Variants in VPS13B observed in about 807,000 individuals in gnomAD.
VPS13B encodes the protein vacuolar protein sorting 13 homolog B, also known as intermembrane lipid transfer protein VPS13B.
A neutral mutation model predicts 426.4 loss-of-function variants in VPS13B; 285 were observed. The ratio of observed to expected loss-of-function variants is 0.67; its 90% CI spans 0.61 to 0.74. VPS13B has a LOEUF of 0.74. Ranked by LOEUF, VPS13B falls within the 30% of genes least tolerant of loss-of-function variation. VPS13B has a pLI of 0.00. For synonymous variants in VPS13B, 1,676 were observed against 1,676.4 expected (o/e 1.00, Z 0.01); for missense variants, 4,537 against 4,782.6 (o/e 0.95, Z 1.51).
At chr8:99,264,540 G>A (rs1337332649) in intron 17 of VPS13B, among the ~76,000 whole-genome samples, 2 of 152,124 alleles carry the variant, frequency 1.3e-5, no homozygotes, top group East Asian at 1.9e-4. Flanking sequence ...AAATCTGAAA[G>A]CATCACATTA....
intron 51 of VPS13B, among the ~76,000 whole-genome samples, chr8:99,827,357 A>G (rs188588182): frequency 9.5e-4 from 145 of 152,202 alleles, no homozygotes; most frequent in African/African-American, 3.1e-3. Context: ...TTATTCGCAT[A>G]GAGGTGTTTA....
chr8:99,873,034 A>G (rs913024264), intron 61 of VPS13B, among the ~76,000 whole-genome samples: 1 of 152,220 alleles, frequency 6.6e-6, no homozygotes, highest in African/African-American at 2.4e-5. Flanking sequence ...GATCTGCCAG[A>G]ATCTTCTGAT....
At chr8:99,360,524 G>A (rs1274243424) in intron 19 of VPS13B, among the ~76,000 whole-genome samples, 3 of 151,538 alleles carry the variant, frequency 2.0e-5, no homozygotes, top group Admixed American at 6.6e-5. Flanking sequence ...TGACCCGCCC[G>A]TCTCGGCCTC....
chr8:99,839,785 C>T (rs546858878), intron 54 of VPS13B, among the ~76,000 whole-genome samples: 2 of 152,310 alleles, frequency 1.3e-5, no homozygotes, highest in African/African-American at 4.8e-5. Context: ...GACATCTCAC[C>T]CCAGAAGGCT....
At chr8:99,287,884 G>A (rs1819530126) in intron 19 of VPS13B, among the ~76,000 whole-genome samples, 1 of 152,004 alleles carries the variant, frequency 6.6e-6, no homozygotes, top group Admixed American at 6.6e-5. Flanking sequence ...AATTAGTACA[G>A]AGCCTCTAAA....
intron 16 of VPS13B, among the ~76,000 whole-genome samples, chr8:99,188,281 G>T (rs977510717): frequency 1.3e-5 from 2 of 151,970 alleles, no homozygotes; most frequent in Non-Finnish European, 2.9e-5. Context: ...CCTCAAAAAA[G>T]AAATTCTGTC....
intron 19 of VPS13B, among the ~76,000 whole-genome samples, chr8:99,372,408 A>G (rs1813242529): frequency 6.6e-6 from 1 of 152,158 alleles, no homozygotes; most frequent in South Asian, 2.1e-4. Context: ...TTTGCAATCT[A>G]CTCATCTGAC....
intron 30 of VPS13B, among the ~76,000 whole-genome samples, chr8:99,537,852 C>T (rs1411940403): frequency 6.6e-6 from 1 of 152,150 alleles, no homozygotes; most frequent in Admixed American, 6.6e-5. Flanking sequence ...GTTCAACCTT[C>T]CTTAATGTGT....
At position 99,216,184 on chromosome 8, in the gene VPS13B, A is replaced by G. The variant is rs987535368; in HGVS notation, c.2515+23127A>G. 3.3e-5 allele frequency among the ~76,000 whole-genome samples: 5 copies of G among 152,252 alleles called. 1 individual carries two copies. Among genetic ancestry groups the G allele is most frequent in the South Asian group, 4.2e-4 (2 of 4,812 alleles). ...CTAATGGGGCACATCATGTGCTACA[A>G]TTGCTTTTGTTCACTATGCTTAAGC... On this transcript the variant is annotated intron_variant, in intron 17 of 61. Coordinates refer to ENST00000357162, the MANE Select transcript of VPS13B (RefSeq NM_152564.5).
intron 39 of VPS13B, 63 bp downstream of exon 39, chr8:99,721,110 G>A (rs895512861): frequency 1.1e-5 from 17 of 1,551,828 alleles, no homozygotes; most frequent in Admixed American, 8.4e-5. Context: ...CATATATTAG[G>A]AAAAATGTTT....
chr8:99,117,801 C>G (rs1847747963), intron 7 of VPS13B, among the ~76,000 whole-genome samples: 1 of 151,856 alleles, frequency 6.6e-6, no homozygotes, highest in Non-Finnish European at 1.5e-5. Context: ...AGAATGACTG[C>G]AAATAAATAG....
At chr8:99,738,839 AG>A (rs1588669562) in intron 39 of VPS13B, among the ~76,000 whole-genome samples, 1 of 152,164 alleles carries the variant, frequency 6.6e-6, no homozygotes, top group African/African-American at 2.4e-5. Flanking sequence ...CTGTCTATCG[AG>A]GGTGGAGCCA....
chr8:99,416,999 T>C (rs1191939437), intron 21 of VPS13B, among the ~76,000 whole-genome samples: 1 of 152,210 alleles, frequency 6.6e-6, no homozygotes, highest in African/African-American at 2.4e-5. Flanking sequence ...GATTGTGTCA[T>C]ATTTTTAAGC....
intron 27 of VPS13B, among the ~76,000 whole-genome samples, chr8:99,504,083 C>T (rs1821375250): frequency 6.6e-6 from 1 of 152,178 alleles, no homozygotes; most frequent in African/African-American, 2.4e-5. Flanking sequence ...GAGGATCTCT[C>T]ATGAATGGCT....
Position 99,156,548 on chromosome 8 carries a change from G to T in VPS13B, c.2014-1G>T. The stretch of plus-strand genomic sequence containing the variant: ...ATAAAGCGAACACTATTATTTTCTA[G>T]AACTCAAGTAACTTCATGAATACTA... On this transcript the variant is annotated splice_acceptor_variant, in intron 14 of 61. Coordinates refer to ENST00000357162, the MANE Select transcript of VPS13B (RefSeq NM_152564.5). LOFTEE classifies it high-confidence loss of function. 6.2e-7 allele frequency: 1 copy of T among 1,613,778 alleles called. No homozygotes were observed. The highest frequency in any genetic ancestry group is 1.1e-5 in the South Asian group (1 of 91,044).
chr8:99,779,951 G>A (rs1369431091), intron 42 of VPS13B, among the ~76,000 whole-genome samples: 2 of 152,204 alleles, frequency 1.3e-5, no homozygotes, highest in African/African-American at 4.8e-5. Context: ...TTAAGGGGAA[G>A]AGGAGCTTTT....
At chr8:99,133,822 A>G (rs1197753971) in intron 8 of VPS13B, among the ~76,000 whole-genome samples, 3 of 152,200 alleles carry the variant, frequency 2.0e-5, no homozygotes, top group Non-Finnish European at 2.9e-5. Flanking sequence ...CAATAGTACT[A>G]TCAAAGATAA....
At chr8:99,274,177 T>G (rs781469874) in intron 17 of VPS13B, 21 bp from the exon 18 acceptor site, 1 of 1,614,024 alleles carries the variant, frequency 6.2e-7, no homozygotes, top group Admixed American at 1.7e-5. Flanking sequence ...GGCTAGTACA[T>G]TTGCAGTTTT....
intron 19 of VPS13B, chr8:99,346,205 C>A (rs544567577): frequency 6.6e-6 from 1 of 152,224 alleles, no homozygotes; most frequent in Admixed American, 6.5e-5. Flanking sequence ...CTTGACAGGG[C>A]AAAGCCTTTC....
Sources: gnomAD v4.1 joint callset for allele counts (sites outside exome capture counted in the v4.1 genomes callset) on GRCh38, gnomAD v4.1.1 for gene constraint, MANE v1.5 for transcripts, NCBI Gene and HGNC (gene_info 2026-07-23, HGNC 2026-07-21) for gene names.